The following DTNBP1 variants were observed in gnomAD, a reference collection of about 807,000 sequenced individuals.
DTNBP1 encodes dysbindin.
A neutral mutation model predicts 42.8 loss-of-function variants in DTNBP1; 35 were observed. The observed-to-expected ratio is 0.82, with a 90% CI of 0.63 to 1.09. DTNBP1 has a LOEUF of 1.09. DTNBP1 is among the 50% of genes least tolerant of loss of function. The probability of loss-of-function intolerance (pLI) is 0.00; values close to 1 mark genes in which losing one functional copy is unlikely to be tolerated. For missense variants in DTNBP1, 457 were observed against 424.2 expected (o/e 1.08, Z -0.68); for synonymous variants, 171 against 162.2 (o/e 1.05, Z -0.41).
intron 8 of DTNBP1, among the ~76,000 whole-genome samples, chr6:15,525,604 G>A (rs143086788): frequency 1.3e-5 from 2 of 152,280 alleles, no homozygotes; most frequent in Non-Finnish European, 2.9e-5. Context: ...CAAAAATAAG[G>A]ACAGACATTT....
intron 9 of DTNBP1, chr6:15,523,959 G>A (rs896454287): frequency 1.6e-6 from 2 of 1,287,384 alleles, no homozygotes; most frequent in Admixed American, 2.3e-5. Flanking sequence ...GAACTGGTCT[G>A]AAATTTGAAA....
At chr6:15,615,182 C>T in intron 6 of DTNBP1, 85 bp downstream of exon 6, 1 of 1,589,244 alleles carries the variant, frequency 6.3e-7, no homozygotes, top group East Asian at 2.2e-5. Context: ...CTTTTATCAG[C>T]CGGGACTTCT....
At chr6:15,552,230 A>G (rs1463495831) in intron 7 of DTNBP1, among the ~76,000 whole-genome samples, 1 of 152,246 alleles carries the variant, frequency 6.6e-6, no homozygotes, top group Non-Finnish European at 1.5e-5. Flanking sequence ...TCTGTAATGC[A>G]TTAAAAATAG....
Position 15,588,542 on chromosome 6 carries a change from T to C in DTNBP1, c.511+4517A>G, listed in dbSNP as rs556915989. Among the ~76,000 whole-genome samples, 7 of 152,288 alleles carry C rather than the reference T, an allele frequency of 4.6e-5. No homozygotes were observed. In the South Asian group the frequency reaches 1.0e-3, roughly 23 times the overall value. On this transcript the variant is annotated intron_variant, in intron 7 of 9. Transcript: ENST00000344537. Reference sequence around the variant, plus strand: ...AAAAAACAAAAATTCCAGTTTCCTCTCTCCTCCTAATGCTCTGCATGCCCA... The same window carrying C: ...AAAAAACAAAAATTCCAGTTTCCTCCCTCCTCCTAATGCTCTGCATGCCCA...
chr6:15,549,360 C>CT (rs1774073792), intron 7 of DTNBP1, among the ~76,000 whole-genome samples: 1 of 151,952 alleles, frequency 6.6e-6, no homozygotes, highest in Non-Finnish European at 1.5e-5. Context: ...TGGCGGGTGC[C>CT]TGTAATCCCA....
rs751504265 is a variant in DTNBP1 at position 15,523,092 on chromosome 6, AC to A, written c.938del (p.Gly313ValfsTer72). 12 of 1,614,178 alleles carry A rather than the reference AC, an allele frequency of 7.4e-6. No individual in the cohort carries two copies. The highest frequency in any genetic ancestry group is 1.0e-5 in the Non-Finnish European group (12 of 1,180,034). On this transcript the variant is annotated frameshift_variant, in exon 10 of 10. Coordinates refer to ENST00000344537, the MANE Select transcript of DTNBP1 (RefSeq NM_032122.5). LOFTEE classifies it low-confidence loss of function (END_TRUNC). ...CGGACTGAACAACGGGGGACTCCCCACCCTCACTGATGTCCCGGGTGGCCGA... is the reference window on the plus strand; with the variant it reads ...CGGACTGAACAACGGGGGACTCCCCACCTCACTGATGTCCCGGGTGGCCGA... ...TDSATRDISEGGESPVVQSDE... is the reference protein window; with the variant it reads ...TDSATRDISEXGESPVVQSDE...
chr6:15,655,988 T>G (rs907648450), intron 1 of DTNBP1, among the ~76,000 whole-genome samples: 6 of 152,210 alleles, frequency 3.9e-5, no homozygotes, highest in African/African-American at 1.4e-4. Context: ...AGGGGGAATA[T>G]TCCAGTTTCC....
intron 8 of DTNBP1, among the ~76,000 whole-genome samples, chr6:15,530,099 T>G (rs1035761909): frequency 1.3e-5 from 2 of 152,292 alleles, no homozygotes; most frequent in Non-Finnish European, 2.9e-5. Context: ...AAAGTGAAAT[T>G]CCAACTGCTA....
In DTNBP1 at chr6:15,571,452, CTCCT is replaced by C. The variant is rs142479073; in HGVS notation, c.511+21603_511+21606del. On this transcript the variant is annotated intron_variant, in intron 7 of 9. Coordinates refer to ENST00000344537, the MANE Select transcript of DTNBP1 (RefSeq NM_032122.5). Reference sequence around the variant, plus strand: ...ATCACAGATCCATGAAGAATTTTCCCTCCTTCTGTTCCTCTCTCCCGCCCTCTTT... The same window carrying C: ...ATCACAGATCCATGAAGAATTTTCCCTCTGTTCCTCTCTCCCGCCCTCTTT... 3.2e-4 allele frequency among the ~76,000 whole-genome samples: 49 copies of C among 152,304 alleles called. No individual in the cohort carries two copies. The East Asian group carries it at 9.3e-3, about 29-fold the overall frequency.
chr6:15,531,767 G>A (rs1772845213), intron 8 of DTNBP1, among the ~76,000 whole-genome samples: 2 of 152,134 alleles, frequency 1.3e-5, no homozygotes, highest in African/African-American at 2.4e-5. Context: ...CTGAGTAGCT[G>A]GGACTACAGG....
At chr6:15,620,627 T>A (rs1238499573) in intron 5 of DTNBP1, among the ~76,000 whole-genome samples, 1 of 152,250 alleles carries the variant, frequency 6.6e-6, no homozygotes, top group Non-Finnish European at 1.5e-5. Flanking sequence ...TATAAAACAC[T>A]ATCATAGCTA....
chr6:15,573,609 G>A (rs1332367431), intron 7 of DTNBP1, among the ~76,000 whole-genome samples: 7 of 152,036 alleles, frequency 4.6e-5, no homozygotes, highest in South Asian at 2.1e-4. Context: ...GAGGTCAGGA[G>A]CTCAGCCTGG....
intron 7 of DTNBP1, among the ~76,000 whole-genome samples, chr6:15,580,769 G>A (rs539185363): frequency 3.3e-5 from 5 of 152,156 alleles, no homozygotes; most frequent in Admixed American, 1.3e-4. Flanking sequence ...TAAAGACTAG[G>A]GGCACTTTCA....
chr6:15,556,766 C>T (rs1056561470), intron 7 of DTNBP1, among the ~76,000 whole-genome samples: 3 of 152,118 alleles, frequency 2.0e-5, no homozygotes, highest in African/African-American at 7.2e-5. Context: ...CCCTCCTTCC[C>T]TTCCCTTCTC....
chr6:15,574,035 C>T (rs7765924), intron 7 of DTNBP1, among the ~76,000 whole-genome samples: 127,823 of 152,182 alleles, frequency 0.84, 54,318 homozygotes, highest in East Asian at 1. Context: ...TAAATACAGA[C>T]GGTTAAGTAT....
At position 15,540,125 on chromosome 6, in the gene DTNBP1, C is replaced by T. The variant is rs949168630; in HGVS notation, c.512-6730G>A. ...AAAATCACCTGCTCTGGGCCCCACT[C>T]AGATGCTTAAGAATTAGTTACCTTT... On this transcript the variant is annotated intron_variant, in intron 7 of 9. Coordinates refer to ENST00000344537, the MANE Select transcript of DTNBP1 (RefSeq NM_032122.5). Among the ~76,000 whole-genome samples the T allele has an allele frequency of 3.3e-5, 5 of 152,112 alleles. No individual in the cohort carries two copies. In the East Asian group the frequency reaches 9.6e-4, roughly 29 times the overall value.
chr6:15,624,739 T>G (rs938736397), intron 5 of DTNBP1, among the ~76,000 whole-genome samples: 7 of 152,204 alleles, frequency 4.6e-5, no homozygotes, highest in African/African-American at 1.7e-4. Context: ...TATTTTTTAT[T>G]ATTGCTTAAC....
chr6:15,591,339 AT>A (rs1295713056), intron 7 of DTNBP1, among the ~76,000 whole-genome samples: 1 of 152,022 alleles, frequency 6.6e-6, no homozygotes, highest in Non-Finnish European at 1.5e-5. Context: ...ACCTCAGGTG[AT>A]CCCCCTCGGC....
At chr6:15,606,949 T>C (rs144371990) in intron 6 of DTNBP1, among the ~76,000 whole-genome samples, 6 of 152,190 alleles carry the variant, frequency 3.9e-5, no homozygotes, top group Non-Finnish European at 5.9e-5. Flanking sequence ...AATGTTAATA[T>C]GTGTTACATG....
Sources: gnomAD v4.1 joint callset for allele counts (sites outside exome capture counted in the v4.1 genomes callset) on GRCh38, gnomAD v4.1.1 for gene constraint, MANE v1.5 for transcripts, NCBI Gene and HGNC (gene_info 2026-07-23, HGNC 2026-07-21) for gene names.